AJM1: variants seen among roughly 807,000 people sequenced by gnomAD.
AJM1 encodes apical junction component 1 homolog, also known as uncharacterized protein C9orf172.
A neutral mutation model predicts 43.0 loss-of-function variants in AJM1; 22 were observed. The ratio of observed to expected loss-of-function variants is 0.51; its 90% CI spans 0.37 to 0.73. The LOEUF (loss-of-function observed/expected upper bound fraction) is 0.73. AJM1 is among the 30% of genes least tolerant of loss of function. The pLI, the probability that AJM1 is intolerant of heterozygous loss-of-function variation, is 0.00. For synonymous variants in AJM1, 719 were observed against 638.3 expected (o/e 1.13, Z -1.91); for missense variants, 1,305 against 1,343.3 (o/e 0.97, Z 0.45).
chr9:136,847,682 T>G lies in AJM1; in HGVS notation c.*337T>G. On this transcript the variant is annotated 3_prime_UTR_variant, in exon 3 of 3. Coordinates refer to ENST00000436881, the MANE Select transcript of AJM1 (RefSeq NM_001080482.5). Reference sequence around the variant, plus strand: ...AGAAGAAGTCGGTCCTCGCCCTCGGTGCTCCCCGCTGGGAGGCGGGGTGGG... The same window carrying G: ...AGAAGAAGTCGGTCCTCGCCCTCGGGGCTCCCCGCTGGGAGGCGGGGTGGG... 3.5e-6 allele frequency: 1 copy of G among 289,342 alleles called. No individual in the cohort carries two copies. The allele number at this position is 289,342 out of a possible 1,614,324, so 17.9% of individuals were successfully genotyped here. A position where few individuals can be genotyped will look rare whatever the true frequency, so the allele number is the denominator to read the frequency against.
At position 136,845,820 on chromosome 9, in the gene AJM1, A is replaced by G. The variant is rs773294771; in HGVS notation, c.1406A>G (p.Tyr469Cys). ...REDPLGRGRS[Y>C]ENLLGREVRE... ...GACCCGTTGGGCCGCGGCCGCAGCTACGAGAACCTGCTGGGGCGCGAGGTG... is the reference window on the plus strand; with the variant it reads ...GACCCGTTGGGCCGCGGCCGCAGCTGCGAGAACCTGCTGGGGCGCGAGGTG... Residue 469 changes from tyrosine to cysteine, a missense_variant, in exon 3 of 3, where the codon TAC becomes TGC. Coordinates refer to ENST00000436881, the MANE Select transcript of AJM1 (RefSeq NM_001080482.5). The G allele has an allele frequency of 2.6e-6, 4 of 1,566,058 alleles. No homozygotes were observed. In the South Asian group the frequency reaches 4.6e-5, roughly 18 times the overall value.
At chr9:136,844,159 C>A in intron 1 of AJM1, among the ~76,000 whole-genome samples, 37 bp from the exon 2 acceptor site, 1 of 152,214 alleles carries the variant, frequency 6.6e-6, no homozygotes, top group East Asian at 1.9e-4. Context: ...GGGGGACGGG[C>A]AGGACGGGCG....
chr9:136,847,741 G>A lies in AJM1; in HGVS notation c.*396G>A, dbSNP rs1209411883. 1 of 210,276 alleles carries A rather than the reference G, an allele frequency of 4.8e-6. No homozygotes were observed. The highest frequency in any genetic ancestry group is 9.4e-6 in the Non-Finnish European group (1 of 106,166). 13.0% of individuals were successfully genotyped at this position (210,276 alleles called of 1,614,324 possible). On this transcript the variant is annotated 3_prime_UTR_variant, in exon 3 of 3. Transcript: ENST00000436881. ...CCGCCGAGCTCTGCCTTCACTCGGA[G>A]GGGTCACTACTGCACAGACCCCACC...
At position 136,845,005 on chromosome 9, in the gene AJM1, C is replaced by T; in HGVS notation, c.591C>T (p.Leu197=). The change falls in exon 3 of 3, where the codon CTC becomes CTT. Residue 197 remains leucine, a synonymous_variant. Coordinates refer to ENST00000436881, the MANE Select transcript of AJM1 (RefSeq NM_001080482.5). ...ACATCAAGCCAGACGACGCAGTGCT[C>T]CAGCACGCCACCCGGGGCTCGCGGT... ...RLDIKPDDAV[L]QHATRGSRSC... 1 of 663,786 alleles carries T rather than the reference C, an allele frequency of 1.5e-6. No homozygotes were observed. The highest frequency in any genetic ancestry group is 2.6e-6 in the Non-Finnish European group (1 of 386,550). The allele number at this position is 663,786 out of a possible 1,614,324, so 41.1% of individuals were successfully genotyped here.
At position 136,844,580 on chromosome 9, in the gene AJM1, C is replaced by T. The variant is rs1449247683; in HGVS notation, c.166C>T (p.Leu56=). ...NKRHCRSFDF[L]EALDGPAMET... ...GCGCCACTGCCGCAGCTTCGACTTC[C>T]TGGAGGCGCTGGACGGGCCGGCCAT... is the stretch of plus-strand genomic sequence containing the variant. Residue 56 remains leucine, a synonymous_variant, in exon 3 of 3, where the codon CTG becomes TTG. Transcript: ENST00000436881. 1 of 1,593,308 alleles carries T rather than the reference C, an allele frequency of 6.3e-7. No individual in the cohort carries two copies. Among genetic ancestry groups the T allele is most frequent in the East Asian group, 2.3e-5 (1 of 43,772 alleles).
In AJM1 at chr9:136,847,513, C is replaced by T. The variant is rs941042006; in HGVS notation, c.*168C>T. 5.9e-5 allele frequency: 33 copies of T among 556,906 alleles called. No homozygotes were observed. The highest frequency in any genetic ancestry group is 1.2e-4 in the African/African-American group (6 of 49,700). 34.5% of individuals were successfully genotyped at this position (556,906 alleles called of 1,614,324 possible). A position where few individuals can be genotyped will look rare whatever the true frequency, so the allele number is the denominator to read the frequency against. ...CCAGCCTTCCAAGCTCCGCTCAGTT[C>T]GGCCTCCAGCTCCGCCCAGGCCCCC... On this transcript the variant is annotated 3_prime_UTR_variant, in exon 3 of 3. Transcript: ENST00000436881.
intron 1 of AJM1, among the ~76,000 whole-genome samples, chr9:136,843,301 G>C (rs1848727991): frequency 6.6e-6 from 1 of 152,252 alleles, no homozygotes; most frequent in African/African-American, 2.4e-5. Flanking sequence ...TGGGATCACA[G>C]AGGGGTTGGC....
Position 136,846,981 on chromosome 9 carries a change from G to T in AJM1, c.2567G>T (p.Ser856Ile). The change falls in exon 3 of 3, where the codon AGC (serine) becomes ATC (isoleucine). Residue 856 changes from serine to isoleucine, a missense_variant. By Grantham distance (142) the Ser-to-Ile change is moderately radical (BLOSUM62 -2). Transcript: ENST00000436881. Reference protein sequence around the residue: ...KFAKVALAAGSPARPPPARSR... With the variant: ...KFAKVALAAGIPARPPPARSR... ...GCCAAGGTAGCGCTGGCGGCCGGCA[G>T]CCCCGCGCGGCCGCCCCCGGCGCGG... 8.1e-7 allele frequency: 1 copy of T among 1,229,388 alleles called. No individual in the cohort carries two copies. The highest frequency in any genetic ancestry group is 1.1e-6 in the Non-Finnish European group (1 of 937,588). 76.2% of individuals were successfully genotyped at this position (1,229,388 alleles called of 1,614,324 possible).
intron 1 of AJM1, among the ~76,000 whole-genome samples, chr9:136,843,622 C>T (rs533491008): frequency 3.9e-5 from 6 of 152,308 alleles, no homozygotes; most frequent in East Asian, 1.9e-4. Context: ...GAAAAGGTGT[C>T]GGCAGAGGAA....
Position 136,847,100 on chromosome 9 carries a change from G to T in AJM1, c.2686G>T (p.Glu896Ter). 1.3e-6 allele frequency: 2 copies of T among 1,525,066 alleles called. No homozygotes were observed. Among genetic ancestry groups the T allele is most frequent in the South Asian group, 1.2e-5 (1 of 84,200 alleles). 94.5% of individuals were successfully genotyped at this position (1,525,066 alleles called of 1,614,324 possible). Residue 896 changes from glutamate to a stop codon, truncating the protein, a stop_gained, in exon 3 of 3, where the codon GAG (glutamate) becomes TAG (stop). Transcript: ENST00000436881. LOFTEE classifies it high-confidence loss of function. ...QDGEAGRRAR[E>*]VAFIHIQREL... is the part of the protein sequence containing the mutation. ...CGGCGAGGCGGGCCGGCGCGCGCGCGAGGTGGCCTTCATCCACATCCAGCG... is the reference window on the plus strand; with the variant it reads ...CGGCGAGGCGGGCCGGCGCGCGCGCTAGGTGGCCTTCATCCACATCCAGCG...
chr9:136,848,196 CA>C lies in AJM1; in HGVS notation c.*852del, dbSNP rs1216645201. The C allele has an allele frequency of 6.6e-6, 1 of 152,568 alleles. No individual in the cohort carries two copies. The highest frequency in any genetic ancestry group is 1.5e-5 in the Non-Finnish European group (1 of 68,262). The allele number at this position is 152,568 out of a possible 1,614,324, so 9.5% of individuals were successfully genotyped here. A position where few individuals can be genotyped will look rare whatever the true frequency, so the allele number is the denominator to read the frequency against. ...GGGAAGCAGAGCACCTGGGCCTGGC[CA>C]GAGCTGACACCTGGCTAGGAGAGGA... On this transcript the variant is annotated 3_prime_UTR_variant, in exon 3 of 3. Transcript: ENST00000436881.
Position 136,844,387 on chromosome 9 carries a change from A to T in AJM1, c.-28A>T, listed in dbSNP as rs1653895880. 1 of 1,583,386 alleles carries T rather than the reference A, an allele frequency of 6.3e-7. No individual in the cohort carries two copies. The highest frequency in any genetic ancestry group is 1.3e-5 in the African/African-American group (1 of 74,240). ...AGCCCCGCAAGGCAGTGTGAGCTGG[A>T]GCCGCCAGCCTGGGGACCTCTTTTA... On this transcript the variant is annotated 5_prime_UTR_variant, in exon 3 of 3. Coordinates refer to ENST00000436881, the MANE Select transcript of AJM1 (RefSeq NM_001080482.5).
At chr9:136,843,387 G>A (rs1361532549) in intron 1 of AJM1, among the ~76,000 whole-genome samples, 1 of 152,234 alleles carries the variant, frequency 6.6e-6, no homozygotes, top group Non-Finnish European at 1.5e-5. Context: ...CCTTCTGAGC[G>A]AAATGGGGAG....
rs1160131788 is a variant in AJM1, at chr9:136,847,369, C to A, written c.*24C>A. The A allele has an allele frequency of 2.0e-6, 3 of 1,471,112 alleles. No individual in the cohort carries two copies. The highest frequency in any genetic ancestry group is 2.7e-6 in the Non-Finnish European group (3 of 1,110,936). The allele number at this position is 1,471,112 out of a possible 1,614,324, so 91.1% of individuals were successfully genotyped here. On this transcript the variant is annotated 3_prime_UTR_variant, in exon 3 of 3. Coordinates refer to ENST00000436881, the MANE Select transcript of AJM1 (RefSeq NM_001080482.5). ...GAGGCGCCGGGCCCACCAGGCCTAGCCCAGGCGCTGGCCCGAACCCTGCCC... is the reference window on the plus strand; with the variant it reads ...GAGGCGCCGGGCCCACCAGGCCTAGACCAGGCGCTGGCCCGAACCCTGCCC...
At position 136,847,010 on chromosome 9, in the gene AJM1, C is replaced by G. The variant is rs1284620601; in HGVS notation, c.2596C>G (p.Arg866Gly). 1 of 1,250,230 alleles carries G rather than the reference C, an allele frequency of 8.0e-7. No homozygotes were observed. Among genetic ancestry groups the G allele is most frequent in the Non-Finnish European group, 1.1e-6 (1 of 946,020 alleles). 77.4% of individuals were successfully genotyped at this position (1,250,230 alleles called of 1,614,324 possible). ...CGCGCGGCCGCCCCCGGCGCGGAGC[C>G]GCGAGCCCGACATGGAGACGCTGAT... ...SPARPPPARS[R>G]EPDMETLILT... is the part of the protein sequence containing the mutation. The change falls in exon 3 of 3, where the codon CGC (arginine) becomes GGC (glycine). Residue 866 changes from arginine to glycine, a missense_variant. Coordinates refer to ENST00000436881, the MANE Select transcript of AJM1 (RefSeq NM_001080482.5).
At position 136,845,907 on chromosome 9, in the gene AJM1, C is replaced by T; in HGVS notation, c.1493C>T (p.Thr498Ile). Residue 498 changes from threonine (T) to isoleucine (I), a missense_variant, in exon 3 of 3, where the codon ACC (threonine) becomes ATC (isoleucine). Coordinates refer to ENST00000436881, the MANE Select transcript of AJM1 (RefSeq NM_001080482.5). ...RRPPVVVNLS[T>I]SPRRYAALSL... is the part of the protein sequence containing the mutation. ...CCGCCCGTCGTCGTGAACCTGTCCA[C>T]CTCTCCCAGACGCTACGCCGCACTG... is the stretch of plus-strand genomic sequence containing the variant. 1.3e-6 allele frequency: 2 copies of T among 1,558,610 alleles called. No homozygotes were observed. The highest frequency in any genetic ancestry group is 4.9e-5 in the East Asian group (2 of 41,222).
In AJM1 at chr9:136,846,989, C is replaced by A; in HGVS notation, c.2575C>A (p.Arg859=). 2 of 1,212,570 alleles carry A rather than the reference C, an allele frequency of 1.6e-6. No homozygotes were observed. The highest frequency in any genetic ancestry group is 1.1e-6 in the Non-Finnish European group (1 of 922,576). The allele number at this position is 1,212,570 out of a possible 1,614,324, so 75.1% of individuals were successfully genotyped here. ...AGCGCTGGCGGCCGGCAGCCCCGCGCGGCCGCCCCCGGCGCGGAGCCGCGA... is the reference window on the plus strand; with the variant it reads ...AGCGCTGGCGGCCGGCAGCCCCGCGAGGCCGCCCCCGGCGCGGAGCCGCGA... The part of the protein sequence containing the change: ...KVALAAGSPA[R]PPPARSREPD... The change falls in exon 3 of 3, where the codon CGG becomes AGG. Residue 859 remains arginine, a synonymous_variant. Coordinates refer to ENST00000436881, the MANE Select transcript of AJM1 (RefSeq NM_001080482.5).
intron 1 of AJM1, among the ~76,000 whole-genome samples, chr9:136,843,606 G>C (rs1163975372): frequency 6.6e-6 from 1 of 152,254 alleles, no homozygotes; most frequent in African/African-American, 2.4e-5. Context: ...AAGATACTTG[G>C]GGTCAGAAAA....
chr9:136,845,978 G>A lies in AJM1; in HGVS notation c.1564G>A (p.Gly522Ser), dbSNP rs1353103694. The A allele has an allele frequency of 4.5e-6, 7 of 1,553,526 alleles. No individual in the cohort carries two copies. The East Asian group carries it at 7.3e-5, about 16-fold the overall frequency. The change falls in exon 3 of 3, where the codon GGC becomes AGC. Residue 522 changes from glycine (G) to serine (S), a missense_variant. By Grantham distance (56) the Gly-to-Ser change is moderately conservative. Transcript: ENST00000436881. ...SLTEKGRAGEGLGRNWYVTPE... is the reference protein window; with the variant it reads ...SLTEKGRAGESLGRNWYVTPE... ...GACGGAGAAGGGCCGCGCGGGCGAGGGCCTGGGCCGCAACTGGTACGTGAC... is the reference window on the plus strand; with the variant it reads ...GACGGAGAAGGGCCGCGCGGGCGAGAGCCTGGGCCGCAACTGGTACGTGAC...
Sources: allele counts gnomAD v4.1 joint callset (sites outside exome capture counted in the v4.1 genomes callset), GRCh38; gene constraint gnomAD v4.1.1; transcripts MANE v1.5; gene names NCBI Gene and HGNC (gene_info 2026-07-23, HGNC 2026-07-21).